The following AGAP1 variants were observed in gnomAD, a reference collection of about 807,000 sequenced individuals.
AGAP1 encodes the protein ArfGAP with GTPase domain, ankyrin repeat and PH domain 1.
In AGAP1, 29 loss-of-function variants were observed where a neutral mutation model predicts 105.3. The observed-to-expected ratio is 0.28, with a 90% CI of 0.21 to 0.38. AGAP1 has a LOEUF of 0.38. Among genes scored for constraint, AGAP1 ranks in the 10% least tolerant of loss-of-function variants. The probability of loss-of-function intolerance (pLI) is 1.00; values close to 1 mark genes in which losing one functional copy is unlikely to be tolerated. For synonymous variants in AGAP1, 509 were observed against 485.9 expected, an observed-to-expected ratio of 1.05 and a Z score of -0.63; for missense variants, 998 against 1,165.1, an observed-to-expected ratio of 0.86 and a Z score of 2.09.
At chr2:235,895,051 G>A (rs1371509616) in intron 10 of AGAP1, among the ~76,000 whole-genome samples, 5 of 152,152 alleles carry the variant, frequency 3.3e-5, no homozygotes, top group African/African-American at 1.2e-4. Context: ...CCAGAATGAC[G>A]CCAGAAGTCA....
At position 235,734,038 on chromosome 2, in the gene AGAP1, A is replaced by G. The variant is rs955556133; in HGVS notation, c.311-6925A>G. Among the ~76,000 whole-genome samples, 2 of 152,208 alleles carry G rather than the reference A, an allele frequency of 1.3e-5. No homozygotes were observed. Among genetic ancestry groups the G allele is most frequent in the Non-Finnish European group, 2.9e-5 (2 of 68,038 alleles). Reference sequence around the variant, plus strand: ...ATTTTTATCAAAGTTAAATGAGCCAAACTTATTTTTTACAAATTTCTGGCG... The same window carrying G: ...ATTTTTATCAAAGTTAAATGAGCCAGACTTATTTTTTACAAATTTCTGGCG... On this transcript the variant is annotated intron_variant, in intron 3 of 17. Transcript: ENST00000304032. The surrounding 1 kb of genome is among the most constrained non-coding windows in gnomAD (Gnocchi z 5.3).
At chr2:235,922,365 T>C (rs57018665) in intron 11 of AGAP1, among the ~76,000 whole-genome samples, 1 of 152,340 alleles carries the variant, frequency 6.6e-6, no homozygotes, top group African/African-American at 2.4e-5. Context: ...TTTGGCTTTT[T>C]CCCCGCCCTC....
chr2:235,589,189 GTTTTGTTT>G (rs1945236057), intron 1 of AGAP1, among the ~76,000 whole-genome samples: 1 of 54,926 alleles, frequency 1.8e-5, no homozygotes, highest in Non-Finnish European at 4.3e-5. Flanking sequence ...ATAGCTTATT[GTTTTGTTT>G]TTTTTTTTTT....
rs566737478 is a variant in AGAP1, at chr2:236,087,203, A to G, written c.2115-32989A>G. Among the ~76,000 whole-genome samples, 1 of 152,224 alleles carries G rather than the reference A, an allele frequency of 6.6e-6. No individual in the cohort carries two copies. The highest frequency in any genetic ancestry group is 2.1e-4 in the South Asian group (1 of 4,822). ...CAGGAAGTGAAAGTCTGTCCAGGCT[A>G]ATGGAGCTGTGATTGACAGGCCTTC... On this transcript the variant is annotated intron_variant, in intron 16 of 17. Transcript: ENST00000304032. This position sits in a 1 kb window ranked among gnomAD's most constrained non-coding sequence, Gnocchi z 5.7.
At chr2:235,598,592 T>C (rs904595851) in intron 1 of AGAP1, among the ~76,000 whole-genome samples, 2 of 152,228 alleles carry the variant, frequency 1.3e-5, no homozygotes, top group Non-Finnish European at 2.9e-5. Flanking sequence ...TAACTTTCTT[T>C]TACTCATCAT....
At chr2:235,831,139 C>A (rs888529687) in intron 9 of AGAP1, among the ~76,000 whole-genome samples, 1 of 149,402 alleles carries the variant, frequency 6.7e-6, no homozygotes, top group Non-Finnish European at 1.5e-5. Context: ...GAATCACATT[C>A]GAGACTTTAA....
At chr2:235,774,583 G>T (rs928512817) in intron 6 of AGAP1, 7 of 305,530 alleles carry the variant, frequency 2.3e-5, no homozygotes, top group African/African-American at 1.6e-4. Context: ...TGGAAATGAA[G>T]CCAGGGCTCT....
intron 6 of AGAP1, among the ~76,000 whole-genome samples, chr2:235,775,123 GGGGAACAGAGAAGGTGAGT>G (rs1420875426): frequency 1.3e-5 from 2 of 152,184 alleles, no homozygotes; most frequent in Non-Finnish European, 2.9e-5. Flanking sequence ...GCAGCCAGCT[GGGGAACAGAGAAGGTGAGT>G]GGGGACAGAG....
rs1320670774 is a variant in AGAP1 at position 235,919,092 on chromosome 2, A to G, written c.1324+10186A>G. ...CTGCTGAACTGATGCTTCCGAGACC[A>G]GCGAAGTGGTCTGCAGGGTCAGCTG... On this transcript the variant is annotated intron_variant, in intron 11 of 17. Coordinates refer to ENST00000304032, the MANE Select transcript of AGAP1 (RefSeq NM_001037131.3). This position sits in a 1 kb window ranked among gnomAD's most constrained non-coding sequence, Gnocchi z 4.1. 1.3e-5 allele frequency among the ~76,000 whole-genome samples: 2 copies of G among 152,282 alleles called. No individual in the cohort carries two copies. The highest frequency in any genetic ancestry group is 3.9e-4 in the East Asian group (2 of 5,162).
intron 9 of AGAP1, among the ~76,000 whole-genome samples, chr2:235,832,789 C>T (rs1305254525): frequency 1.3e-5 from 2 of 152,166 alleles, no homozygotes. Context: ...TGTTCAAACC[C>T]ACAGACTAGA....
Position 235,667,000 on chromosome 2 carries a change from C to T in AGAP1, c.164-42179C>T, listed in dbSNP as rs141187915. Among the ~76,000 whole-genome samples, 790 of 152,204 alleles carry T rather than the reference C, an allele frequency of 5.2e-3. 8 individuals carry two copies. Among genetic ancestry groups the T allele is most frequent in the African/African-American group, 0.018 (739 of 41,512 alleles). On this transcript the variant is annotated intron_variant, in intron 1 of 17. Coordinates refer to ENST00000304032, the MANE Select transcript of AGAP1 (RefSeq NM_001037131.3). ...CAGAGATCTCTATCTTTCCACGTTG[C>T]TGTTTGTTTCTCAGCTTACAGACCT... is the stretch of plus-strand genomic sequence containing the variant.
chr2:235,603,697 A>G lies in AGAP1; in HGVS notation c.164-105482A>G, dbSNP rs375741547. On this transcript the variant is annotated intron_variant, in intron 1 of 17. Transcript: ENST00000304032. ...GGCAACTTTCAGTGATTTGTTTTTC[A>G]AACAAGTGGCTTTTTATCTTTTCCT... Among the ~76,000 whole-genome samples, 22 of 152,348 alleles carry G rather than the reference A, an allele frequency of 1.4e-4. No homozygotes were observed. The South Asian group carries it at 4.1e-3, about 29-fold the overall frequency.
intron 1 of AGAP1, among the ~76,000 whole-genome samples, chr2:235,546,636 C>T (rs1574820523): frequency 6.6e-6 from 1 of 151,744 alleles, no homozygotes; most frequent in South Asian, 2.1e-4. Flanking sequence ...ACGTGGCTGG[C>T]GTGGTGACGG....
chr2:236,027,775 G>A lies in AGAP1; in HGVS notation c.1646-8786G>A, dbSNP rs955660781. ...AAACCCCAAAGAGCTGTTCATCGGC[G>A]TCTCACTACATGGTGAACTGCTACT... On this transcript the variant is annotated intron_variant, in intron 13 of 17. Coordinates refer to ENST00000304032, the MANE Select transcript of AGAP1 (RefSeq NM_001037131.3). This position sits in a 1 kb window ranked among gnomAD's most constrained non-coding sequence, Gnocchi z 4.4. Among the ~76,000 whole-genome samples the A allele has an allele frequency of 2.6e-5, 4 of 152,062 alleles. No individual in the cohort carries two copies. The highest frequency in any genetic ancestry group is 6.5e-5 in the Admixed American group (1 of 15,270).
rs758857198 is a variant in AGAP1 at position 235,799,334 on chromosome 2, C to T, written c.802-33C>T. 6.9e-6 allele frequency: 11 copies of T among 1,605,788 alleles called. No individual in the cohort carries two copies. Among genetic ancestry groups the T allele is most frequent in the South Asian group, 2.2e-5 (2 of 89,360 alleles). On this transcript the variant is annotated intron_variant, in intron 7 of 17. Transcript: ENST00000304032. This position sits in a 1 kb window ranked among gnomAD's most constrained non-coding sequence, Gnocchi z 5.0. ...GGAGGTCTTGGGTTCCTGAGTATGTCGTTAATGAAACCTTGGATTTTAATC... is the reference window on the plus strand; with the variant it reads ...GGAGGTCTTGGGTTCCTGAGTATGTTGTTAATGAAACCTTGGATTTTAATC...
At chr2:235,616,004 CAA>C (rs1946295214) in intron 1 of AGAP1, among the ~76,000 whole-genome samples, 1 of 152,018 alleles carries the variant, frequency 6.6e-6, no homozygotes, top group African/African-American at 2.4e-5. Flanking sequence ...AAAGAAGAAA[CAA>C]AGGAGCAATT....
chr2:235,698,237 T>C (rs920506213), intron 1 of AGAP1, among the ~76,000 whole-genome samples: 1 of 151,692 alleles, frequency 6.6e-6, no homozygotes, highest in African/African-American at 2.4e-5. Flanking sequence ...TGGTGTGAGC[T>C]TATGGGGAGC....
At chr2:235,871,518 A>G (rs557573125) in intron 9 of AGAP1, among the ~76,000 whole-genome samples, 4 of 152,132 alleles carry the variant, frequency 2.6e-5, no homozygotes, top group African/African-American at 9.7e-5. Flanking sequence ...TGTCCTCACA[A>G]CTTCCACTCA....
At chr2:235,590,712 T>TGTGCGCGC (rs369129304) in intron 1 of AGAP1, among the ~76,000 whole-genome samples, 4 of 117,050 alleles carry the variant, frequency 3.4e-5, no homozygotes, top group Non-Finnish European at 5.0e-5. Context: ...TGTGTGTGTG[T>TGTGCGCGC]GCATTTTTTT....
Sources: allele counts gnomAD v4.1 joint callset (sites outside exome capture counted in the v4.1 genomes callset), GRCh38; gene constraint gnomAD v4.1.1; non-coding constraint Gnocchi (gnomAD v3.1); transcripts MANE v1.5; gene names NCBI Gene and HGNC (gene_info 2026-07-23, HGNC 2026-07-21).